GREB1: variants seen among roughly 807,000 people sequenced by gnomAD.
GREB1 encodes growth regulating estrogen receptor binding 1, also known as protein GREB1.
A neutral mutation model predicts 200.7 loss-of-function variants in GREB1; 106 were observed. That is an observed-to-expected ratio of 0.53 (90% CI 0.45 to 0.62). GREB1 has a LOEUF of 0.62. Ranked by LOEUF, GREB1 falls within the 20% of genes least tolerant of loss-of-function variation. The pLI is 0.00. For missense variants in GREB1, 2,243 were observed against 2,556.8 expected, an observed-to-expected ratio of 0.88 and a Z score of 2.65; for synonymous variants, 1,132 against 1,092.4, an observed-to-expected ratio of 1.04 and a Z score of -0.72.
intron 4 of GREB1, among the ~76,000 whole-genome samples, chr2:11,572,237 C>A (rs1420681795): frequency 1.3e-5 from 2 of 152,186 alleles, no homozygotes; most frequent in Non-Finnish European, 2.9e-5. Flanking sequence ...GGCATCAGGC[C>A]TGGGGGACAG....
intron 4 of GREB1, among the ~76,000 whole-genome samples, chr2:11,574,262 G>A (rs978251329): frequency 6.6e-6 from 1 of 152,192 alleles, no homozygotes; most frequent in Non-Finnish European, 1.5e-5. Context: ...CAGCTCACAC[G>A]TGCAGTCATG....
intron 15 of GREB1, among the ~76,000 whole-genome samples, chr2:11,600,383 A>C (rs528093110): frequency 1.3e-5 from 2 of 152,140 alleles, no homozygotes; most frequent in Non-Finnish European, 2.9e-5. Context: ...TTTTAAACTG[A>C]CTATAGAATT....
chr2:11,563,855 C>T (rs187996628), intron 3 of GREB1, among the ~76,000 whole-genome samples: 29 of 152,114 alleles, frequency 1.9e-4, no homozygotes, highest in Non-Finnish European at 3.7e-4. Flanking sequence ...ATAAATGGGA[C>T]GAGAGATCCC....
intron 30 of GREB1, 33 bp from the exon 31 acceptor site, chr2:11,637,683 C>T: frequency 6.2e-7 from 1 of 1,604,786 alleles, no homozygotes; most frequent in South Asian, 1.1e-5. Context: ...CCCCTCAGGG[C>T]AGTAGTGGCC....
intron 21 of GREB1, among the ~76,000 whole-genome samples, chr2:11,617,069 C>T (rs575511331): frequency 6.6e-6 from 1 of 152,320 alleles, no homozygotes; most frequent in South Asian, 2.1e-4. Flanking sequence ...TGGGAAAACC[C>T]TGTGCCCTGT....
At chr2:11,567,126 T>C (rs1033074412) in intron 4 of GREB1, among the ~76,000 whole-genome samples, 6 of 152,160 alleles carry the variant, frequency 3.9e-5, no homozygotes, top group African/African-American at 9.7e-5. Context: ...TGCTTGTTTG[T>C]TTGTTTATTT....
At chr2:11,509,353 T>C (rs1673286003) in intron 1 of GREB1, among the ~76,000 whole-genome samples, 1 of 152,196 alleles carries the variant, frequency 6.6e-6, no homozygotes, top group South Asian at 2.1e-4. Flanking sequence ...TAGCAACATG[T>C]GGGCGATTTT....
rs748090663 is a variant in GREB1 at position 11,576,345 on chromosome 2, T to G, written c.455-8T>G. 5.6e-6 allele frequency: 9 copies of G among 1,599,742 alleles called. No individual in the cohort carries two copies. The East Asian group carries it at 1.8e-4, about 32-fold the overall frequency. ...AGAAAGATGTTTATGGTTTACTTCC[T>G]TCTCCAGGTTTCTCTGGGAATTGTG... On this transcript the variant is annotated splice_polypyrimidine_tract_variant and splice_region_variant and intron_variant, in intron 4 of 32. Transcript: ENST00000381486.
At chr2:11,595,567 C>G (rs1047754432) in intron 12 of GREB1, among the ~76,000 whole-genome samples, 188 bp downstream of exon 12, 1 of 152,168 alleles carries the variant, frequency 6.6e-6, no homozygotes. Context: ...CGGGTTCTGG[C>G]TGGCCATCTC....
chr2:11,526,702 C>T (rs1673888845), intron 1 of GREB1, among the ~76,000 whole-genome samples: 1 of 151,956 alleles, frequency 6.6e-6, no homozygotes, highest in Admixed American at 6.6e-5. Flanking sequence ...ATTATAGGCA[C>T]CGGCCACCAC....
At chr2:11,529,608 A>T (rs1174590573), upstream of GREB1, among the ~76,000 whole-genome samples, 2 of 152,200 alleles carry the variant, frequency 1.3e-5, no homozygotes, top group African/African-American at 4.8e-5. Flanking sequence ...TGTGTGTGTA[A>T]CAGGAGACAA....
chr2:11,587,742 C>CACACACACGCGCGT lies in GREB1; in HGVS notation c.1160-1004_1160-1003insACACACACGCGCGT. 2.7e-6 allele frequency: 3 copies of CACACACACGCGCGT among 1,116,552 alleles called. 1 individual carries two copies. The highest frequency in any genetic ancestry group is 3.2e-5 in the South Asian group (1 of 31,652). The allele number at this position is 1,116,552 out of a possible 1,614,324, so 69.2% of individuals were successfully genotyped here. A position where few individuals can be genotyped will look rare whatever the true frequency, so the allele number is the denominator to read the frequency against. On this transcript the variant is annotated intron_variant, in intron 9 of 32. Transcript: ENST00000381486. ...ACACACACACACACACACACACACA[C>CACACACACGCGCGT]GCCACCTTTGGGAGCTCAGCAGCCC...
chr2:11,579,077 G>A (rs2148058461), intron 6 of GREB1, among the ~76,000 whole-genome samples: 1 of 152,362 alleles, frequency 6.6e-6, no homozygotes, highest in Non-Finnish European at 1.5e-5. Context: ...GAGGACGCAG[G>A]AAGGTCGCTG....
chr2:11,588,227 CAA>C (rs796838611), intron 9 of GREB1: 2,495 of 731,578 alleles, frequency 3.4e-3, no homozygotes, highest in East Asian at 6.2e-3. Flanking sequence ...GACACTGTCT[CAA>C]AAAAAAAAAA....
intron 1 of GREB1, among the ~76,000 whole-genome samples, chr2:11,518,819 C>T (rs1673603231): frequency 6.6e-6 from 1 of 150,960 alleles, no homozygotes; most frequent in African/African-American, 2.5e-5. Flanking sequence ...AAAAATCCCG[C>T]CAGGCGAGGT....
rs1398682472 is a variant in GREB1 at position 11,610,692 on chromosome 2, C to G, written c.2671C>G (p.Pro891Ala). 39 of 1,608,062 alleles carry G rather than the reference C, an allele frequency of 2.4e-5. No individual in the cohort carries two copies. The highest frequency in any genetic ancestry group is 3.1e-5 in the Non-Finnish European group (37 of 1,176,828). Residue 891 changes from proline to alanine, a missense_variant, in exon 18 of 33, where the codon CCC (proline) becomes GCC (alanine). Physicochemically the swap from Pro to Ala is conservative, Grantham distance 27. Around this residue, in one of 3 missense-constraint regions of GREB1, gnomAD observed 1,178 missense variants for 1,387.4 expected, o/e 0.85. Coordinates refer to ENST00000381486, the MANE Select transcript of GREB1 (RefSeq NM_014668.4). ...GTCTCTCTGTGTTCCTTGCAGGTTC[C>G]CCCGCCTGCACAGCGCGGTGATCAG... ...AMVTALGKRF[P>A]RLHSAVIRTF...
At chr2:11,484,044 A>G (rs752569024) in intron 1 of GREB1, among the ~76,000 whole-genome samples, 38 of 152,176 alleles carry the variant, frequency 2.5e-4, no homozygotes, top group Non-Finnish European at 1.2e-4. Context: ...GGAGTTAGAC[A>G]TGGGGATTCT....
intron 32 of GREB1, among the ~76,000 whole-genome samples, chr2:11,639,517 C>T (rs2148463861): frequency 6.6e-6 from 1 of 152,382 alleles, no homozygotes; most frequent in East Asian, 1.9e-4. Context: ...TTACGCCAGT[C>T]TTCCTCCTGT....
At chr2:11,483,726 GT>G (rs1672577370) in intron 1 of GREB1, among the ~76,000 whole-genome samples, 2 of 146,556 alleles carry the variant, frequency 1.4e-5, no homozygotes, top group Admixed American at 1.3e-4. Flanking sequence ...GTGTGTGTGT[GT>G]GTGTGTGGCC....
Sources: allele counts gnomAD v4.1 joint callset (sites outside exome capture counted in the v4.1 genomes callset), GRCh38; gene constraint gnomAD v4.1.1; regional missense constraint gnomAD v4.1.1; transcripts MANE v1.5; gene names NCBI Gene and HGNC (gene_info 2026-07-23, HGNC 2026-07-21).